TMEM161B: variants seen among roughly 807,000 people sequenced by gnomAD.
TMEM161B encodes transmembrane protein 161B.
A neutral mutation model predicts 61.8 loss-of-function variants in TMEM161B; 34 were observed. The ratio of observed to expected loss-of-function variants is 0.55; its 90% CI spans 0.42 to 0.73. TMEM161B has a LOEUF of 0.73. TMEM161B is among the 30% of genes least tolerant of loss of function. The pLI, the probability that TMEM161B is intolerant of heterozygous loss-of-function variation, is 0.00. For missense variants in TMEM161B, 456 were observed against 558.5 expected (o/e 0.82, Z 1.85); for synonymous variants, 167 against 192.8 (o/e 0.87, Z 1.11).
downstream of TMEM161B, among the ~76,000 whole-genome samples, chr5:88,188,639 GA>G (rs1383411364): frequency 1.3e-5 from 2 of 152,184 alleles, no homozygotes; most frequent in Admixed American, 6.5e-5. Flanking sequence ...ACGAGCCGCA[GA>G]GAAAACTCCT....
downstream of TMEM161B, among the ~76,000 whole-genome samples, chr5:88,188,088 T>C (rs954259027): frequency 1.3e-5 from 2 of 152,264 alleles, no homozygotes; most frequent in South Asian, 4.1e-4. Context: ...CAGAAAACAT[T>C]ACAAATGATT....
chr5:88,201,352 A>G (rs1180454514), intron 9 of TMEM161B: 1 of 152,058 alleles, frequency 6.6e-6, no homozygotes, highest in East Asian at 1.9e-4. Context: ...GGAAGTGGGA[A>G]GTGAATGTTG....
intron 1 of TMEM161B, among the ~76,000 whole-genome samples, chr5:88,246,322 T>C (rs1753616485): frequency 6.6e-6 from 1 of 151,780 alleles, no homozygotes. Context: ...AGGAATCTAA[T>C]CTACATAAGT....
At chr5:88,203,683 G>A (rs1255074674) in intron 8 of TMEM161B, among the ~76,000 whole-genome samples, 2 of 145,960 alleles carry the variant, frequency 1.4e-5, no homozygotes, top group Non-Finnish European at 3.0e-5. Context: ...GTTAACAATC[G>A]TTAAGTGATT....
chr5:88,264,160 A>C (rs1188376457), intron 1 of TMEM161B, among the ~76,000 whole-genome samples: 1 of 152,196 alleles, frequency 6.6e-6, no homozygotes, highest in Non-Finnish European at 1.5e-5. Flanking sequence ...TTTAAAAAAA[A>C]AAACAAAACT....
At chr5:88,207,223 G>A (rs1745674712) in intron 5 of TMEM161B, 43 bp from the exon 6 acceptor site, 2 of 1,559,384 alleles carry the variant, frequency 1.3e-6, no homozygotes, top group Admixed American at 3.9e-5. Context: ...TAAATTTATA[G>A]GAGCTATACA....
Position 88,203,720 on chromosome 5 carries a change from G to GTA in TMEM161B, c.801-647_801-646dup, listed in dbSNP as rs1263287563. ...CACATTTTAATTTCTTTTTGAATGA[G>GTA]TATGAACACACTTGAAATAATTTCC... On this transcript the variant is annotated intron_variant, in intron 8 of 11. Transcript: ENST00000296595. Among the ~76,000 whole-genome samples, 3 of 118,260 alleles carry GTA rather than the reference G, an allele frequency of 2.5e-5. No homozygotes were observed. The South Asian group carries it at 8.1e-4, about 32-fold the overall frequency. 77.6% of individuals were successfully genotyped at this position (118,260 alleles called of 152,430 possible).
chr5:88,192,155 A>G (rs1223896340), downstream of TMEM161B, among the ~76,000 whole-genome samples: 1 of 150,128 alleles, frequency 6.7e-6, no homozygotes, highest in Admixed American at 6.6e-5. Flanking sequence ...CTATGATACT[A>G]CTTTATTTAA....
chr5:88,227,015 T>C (rs1750167600), intron 3 of TMEM161B, among the ~76,000 whole-genome samples: 1 of 152,046 alleles, frequency 6.6e-6, no homozygotes, highest in African/African-American at 2.4e-5. Flanking sequence ...TGGTCCCAGC[T>C]ACTCAGGAGG....
intron 2 of TMEM161B, among the ~76,000 whole-genome samples, chr5:88,235,603 G>T (rs1201114465): frequency 1.3e-5 from 2 of 152,096 alleles, no homozygotes; most frequent in African/African-American, 2.4e-5. Flanking sequence ...CTGAGAGAGG[G>T]TCCTTACCAG....
Position 88,220,727 on chromosome 5 carries a change from G to GAAAAAAAAAAAAAAATAAAAAAAA in TMEM161B, c.290-9_290-8insTTTTTTTTATTTTTTTTTTTTTTT. The GAAAAAAAAAAAAAAATAAAAAAAA allele has an allele frequency of 1.7e-6, 1 of 581,450 alleles. No individual in the cohort carries two copies. Among genetic ancestry groups the GAAAAAAAAAAAAAAATAAAAAAAA allele is most frequent in the South Asian group, 3.0e-5 (1 of 33,264 alleles). 36.0% of individuals were successfully genotyped at this position (581,450 alleles called of 1,614,324 possible). A position where few individuals can be genotyped will look rare whatever the true frequency, so the allele number is the denominator to read the frequency against. ...CTGGAAAGTAATGCAATGCTGGAAA[G>GAAAAAAAAAAAAAAATAAAAAAAA]AAAAAAAAAAAAAAAAAAAAAAAAG... On this transcript the variant is annotated splice_polypyrimidine_tract_variant and intron_variant, in intron 4 of 11. Coordinates refer to ENST00000296595, the MANE Select transcript of TMEM161B (RefSeq NM_153354.5).
intron 1 of TMEM161B, among the ~76,000 whole-genome samples, chr5:88,242,728 T>G (rs1752950829): frequency 6.6e-6 from 1 of 151,812 alleles, no homozygotes; most frequent in Non-Finnish European, 1.5e-5. Context: ...TTAGTACTAT[T>G]TGTTTTTATT....
intron 5 of TMEM161B, among the ~76,000 whole-genome samples, chr5:88,215,362 G>T (rs770335554): frequency 6.6e-6 from 1 of 152,158 alleles, no homozygotes; most frequent in African/African-American, 2.4e-5. Context: ...AACAGGTTAT[G>T]TTATAACTAA....
chr5:88,186,763 C>T (rs1340812091), downstream of TMEM161B, among the ~76,000 whole-genome samples: 2 of 151,290 alleles, frequency 1.3e-5, no homozygotes, highest in South Asian at 4.2e-4. Flanking sequence ...AACGTCTCTA[C>T]TAAAAAAAAA....
chr5:88,196,262 A>T lies in TMEM161B; in HGVS notation c.1413T>A (p.Phe471Leu), dbSNP rs763199989. The change falls in exon 12 of 12, where the codon TTT (phenylalanine) becomes TTA (leucine). Residue 471 changes from phenylalanine to leucine, a missense_variant. Physicochemically the swap from Phe to Leu is conservative, Grantham distance 22. Coordinates refer to ENST00000296595, the MANE Select transcript of TMEM161B (RefSeq NM_153354.5). ...FLTWWIAACL[F>L]STSLFGLFYH... ...AGAAAAGCCCAAAAAGGCTTGTAGA[A>T]AAGAGGCAAGCAGCAATCCACCAGG... 73 of 1,612,986 alleles carry T rather than the reference A, an allele frequency of 4.5e-5. No individual in the cohort carries two copies. The highest frequency in any genetic ancestry group is 5.9e-5 in the Non-Finnish European group (70 of 1,179,406).
chr5:88,190,184 T>C (rs1580271614), downstream of TMEM161B: 1 of 701,054 alleles, frequency 1.4e-6, no homozygotes, highest in Non-Finnish European at 2.6e-6. Context: ...CTGTGAAGTC[T>C]AGCTGGAGAT....
chr5:88,194,532 G>C (rs901393642), downstream of TMEM161B, among the ~76,000 whole-genome samples: 1 of 152,060 alleles, frequency 6.6e-6, no homozygotes, highest in Non-Finnish European at 1.5e-5. Flanking sequence ...GCTCAGTCAA[G>C]TGGTAGTTCT....
intron 5 of TMEM161B, among the ~76,000 whole-genome samples, chr5:88,216,921 A>G (rs993837541): frequency 1.3e-5 from 2 of 152,232 alleles, no homozygotes; most frequent in Non-Finnish European, 2.9e-5. Context: ...TAGAAAAGCA[A>G]TTAGGTTTCA....
intron 9 of TMEM161B, chr5:88,200,128 A>G (rs1744108152): frequency 6.6e-6 from 1 of 151,922 alleles, no homozygotes; most frequent in African/African-American, 2.4e-5. Flanking sequence ...AAACTACAAT[A>G]TAGGAAAATT....
Sources: allele counts gnomAD v4.1 joint callset (sites outside exome capture counted in the v4.1 genomes callset), GRCh38; gene constraint gnomAD v4.1.1; transcripts MANE v1.5; gene names NCBI Gene and HGNC (gene_info 2026-07-23, HGNC 2026-07-21).